Variants in LEKR1 observed in about 807,000 individuals in gnomAD.
LEKR1 encodes the protein leucine, glutamate and lysine rich 1.
Under a neutral mutation model 72.4 loss-of-function variants are expected in LEKR1, and 59 were observed. The ratio of observed to expected loss-of-function variants is 0.82; its 90% confidence interval spans 0.66 to 1.01. LEKR1 has a LOEUF of 1.01. LEKR1 is among the 50% of genes least tolerant of loss of function. The pLI is 0.00. For synonymous variants in LEKR1, 257 were observed against 263.2 expected (o/e 0.98, Z 0.23); for missense variants, 728 against 759.2 (o/e 0.96, Z 0.48).
intron 12 of LEKR1, among the ~76,000 whole-genome samples, chr3:157,034,813 A>T (rs1249631166): frequency 1.3e-5 from 2 of 151,732 alleles, no homozygotes; most frequent in Non-Finnish European, 1.5e-5. Context: ...CTTTTTTTTT[A>T]ATTTTTATTT....
At chr3:156,855,491 T>C (rs999435512) in intron 3 of LEKR1, among the ~76,000 whole-genome samples, 1 of 152,186 alleles carries the variant, frequency 6.6e-6, no homozygotes, top group Non-Finnish European at 1.5e-5. Flanking sequence ...TGTTTATTTG[T>C]AGGTGCTTTT....
At chr3:156,899,840 A>G (rs933703700) in intron 3 of LEKR1, among the ~76,000 whole-genome samples, 4 of 151,286 alleles carry the variant, frequency 2.6e-5, no homozygotes, top group African/African-American at 9.7e-5. Flanking sequence ...ATATGTACAT[A>G]TGTGTATATA....
intron 6 of LEKR1, 87 bp from the exon 7 acceptor site, chr3:156,979,107 T>C: frequency 1.8e-6 from 1 of 560,254 alleles, no homozygotes; most frequent in Non-Finnish European, 3.0e-6. Flanking sequence ...AGGAGCTGAC[T>C]AGCAACAAAA....
At chr3:157,002,625 G>A (rs1426062499) in intron 9 of LEKR1, among the ~76,000 whole-genome samples, 1 of 152,080 alleles carries the variant, frequency 6.6e-6, no homozygotes, top group Non-Finnish European at 1.5e-5. Flanking sequence ...AGGAATGGAG[G>A]CTCAGCAGGG....
At position 156,852,979 on chromosome 3, in the gene LEKR1, A is replaced by G. The variant is rs1410951596; in HGVS notation, c.260A>G (p.Glu87Gly). The change falls in exon 3 of 13, where the codon GAA (glutamate) becomes GGA (glycine). Residue 87 changes from glutamate to glycine, a missense_variant. Coordinates refer to ENST00000356539, the MANE Select transcript of LEKR1 (RefSeq NM_001004316.3). ...QYKIDNKSKT[E>G]RIYDVGMQLK... ...AAAATTGACAACAAATCCAAAACAG[A>G]AAGGTTGAGTATGTTTTTCTTTTCT... is the stretch of plus-strand genomic sequence containing the variant. The G allele has an allele frequency of 2.6e-6, 4 of 1,527,734 alleles. 1 individual carries two copies. The highest frequency in any genetic ancestry group is 8.8e-7 in the Non-Finnish European group (1 of 1,139,422). The allele number at this position is 1,527,734 out of a possible 1,614,324, so 94.6% of individuals were successfully genotyped here. A position where few individuals can be genotyped will look rare whatever the true frequency, so the allele number is the denominator to read the frequency against.
At chr3:156,885,848 G>A (rs976115866) in intron 3 of LEKR1, among the ~76,000 whole-genome samples, 9 of 152,222 alleles carry the variant, frequency 5.9e-5, no homozygotes, top group Admixed American at 5.9e-4. Context: ...CTGGGATCAG[G>A]GTTATTCTGT....
chr3:156,992,234 T>G (rs999623799), intron 7 of LEKR1, among the ~76,000 whole-genome samples: 1 of 152,226 alleles, frequency 6.6e-6, no homozygotes, highest in Non-Finnish European at 1.5e-5. Context: ...GACTGACGAT[T>G]TCTCTAAGAG....
chr3:156,993,048 T>C, intron 8 of LEKR1, 26 bp from the exon 9 acceptor site: 1 of 1,259,930 alleles, frequency 7.9e-7, no homozygotes, highest in South Asian at 1.3e-5. Flanking sequence ...TGTATGTTGG[T>C]GGGTGTTTTT....
intron 2 of LEKR1, among the ~76,000 whole-genome samples, chr3:156,850,564 C>T (rs1238179757): frequency 2.6e-5 from 4 of 152,194 alleles, no homozygotes; most frequent in Non-Finnish European, 5.9e-5. Flanking sequence ...TCTGTGTCTA[C>T]TCATTCATGT....
At chr3:156,945,047 G>T (rs769072361) in intron 6 of LEKR1, among the ~76,000 whole-genome samples, 2 of 151,454 alleles carry the variant, frequency 1.3e-5, no homozygotes, top group Admixed American at 6.6e-5. Context: ...AGTGTTCAAG[G>T]GTTCGCTTTT....
chr3:157,034,958 A>C (rs367883154), intron 12 of LEKR1, among the ~76,000 whole-genome samples: 24 of 152,304 alleles, frequency 1.6e-4, no homozygotes, highest in African/African-American at 5.8e-4. Flanking sequence ...TGCTACTGCC[A>C]TCCCAACCTT....
chr3:156,906,481 A>G (rs13322318), intron 3 of LEKR1, among the ~76,000 whole-genome samples: 77,135 of 151,994 alleles, frequency 0.51, 21,230 homozygotes, highest in East Asian at 0.72. Flanking sequence ...TTTCAGGAAC[A>G]CCCTCTGAGT....
At chr3:157,013,177 G>A (rs967497499) in intron 10 of LEKR1, among the ~76,000 whole-genome samples, 1 of 152,110 alleles carries the variant, frequency 6.6e-6, no homozygotes, top group African/African-American at 2.4e-5. Context: ...CGTGGATAGC[G>A]ATTCAGAGAG....
intron 3 of LEKR1, among the ~76,000 whole-genome samples, chr3:156,899,776 A>ACATATACATG (rs1172853161): frequency 2.0e-4 from 18 of 91,428 alleles, no homozygotes; most frequent in Non-Finnish European, 3.5e-4. Context: ...GCATATATAC[A>ACATATACATG]CATATATACA....
intron 6 of LEKR1, among the ~76,000 whole-genome samples, chr3:156,965,347 T>A (rs987724): frequency 0.61 from 92,849 of 152,008 alleles, 29,535 homozygotes; most frequent in Admixed American, 0.74. Flanking sequence ...ATGTTAAGAT[T>A]AAAAAACGCA....
intron 12 of LEKR1, among the ~76,000 whole-genome samples, chr3:157,032,820 T>TTC (rs1553837722): frequency 1.3e-5 from 2 of 151,726 alleles, no homozygotes; most frequent in Non-Finnish European, 2.9e-5. Context: ...GGTTTTTTTT[T>TTC]CCCCACAAAT....
intron 3 of LEKR1, among the ~76,000 whole-genome samples, chr3:156,898,615 C>T (rs1033392991): frequency 5.0e-4 from 76 of 152,104 alleles, no homozygotes; most frequent in African/African-American, 1.7e-3. Flanking sequence ...TTGTTACAGC[C>T]ACCCGGATGG....
At chr3:156,879,795 G>A (rs1719062776) in intron 3 of LEKR1, among the ~76,000 whole-genome samples, 1 of 152,224 alleles carries the variant, frequency 6.6e-6, no homozygotes, top group South Asian at 2.1e-4. Context: ...AGGCGCCAAG[G>A]TACAGCTCGG....
intron 2 of LEKR1, among the ~76,000 whole-genome samples, chr3:156,837,848 T>G (rs888584483): frequency 6.6e-6 from 1 of 152,188 alleles, no homozygotes; most frequent in Non-Finnish European, 1.5e-5. Flanking sequence ...TCCAGGTTCC[T>G]TATCTCTCAG....
Sources: allele counts gnomAD v4.1 joint callset (sites outside exome capture counted in the v4.1 genomes callset), GRCh38; gene constraint gnomAD v4.1.1; transcripts MANE v1.5; gene names NCBI Gene and HGNC (gene_info 2026-07-23, HGNC 2026-07-21).